Variants in CHCHD3 observed in about 807,000 individuals in gnomAD.
The protein encoded by CHCHD3 is MICOS complex subunit MIC19.
Under a neutral mutation model 38.2 loss-of-function variants are expected in CHCHD3, and 20 were observed. That is an observed-to-expected ratio of 0.52 (90% CI 0.37 to 0.76). The LOEUF is 0.76. Ranked by LOEUF, CHCHD3 falls within the 30% of genes least tolerant of loss-of-function variation. The probability of loss-of-function intolerance (pLI) is 0.00; values close to 1 mark genes in which losing one functional copy is unlikely to be tolerated. For missense variants in CHCHD3, 245 were observed against 279.2 expected (o/e 0.88, Z 0.87); for synonymous variants, 82 against 100.0 (o/e 0.82, Z 1.07).
intron 6 of CHCHD3, among the ~76,000 whole-genome samples, chr7:132,831,306 C>T (rs1807643692): frequency 6.6e-6 from 1 of 152,154 alleles, no homozygotes; most frequent in Non-Finnish European, 1.5e-5. Flanking sequence ...GAATTAGTGT[C>T]TTACTGAGAT....
At chr7:133,018,906 G>A (rs1379103133) in intron 3 of CHCHD3, among the ~76,000 whole-genome samples, 6 of 100,132 alleles carry the variant, frequency 6.0e-5, no homozygotes, top group East Asian at 2.8e-4. Flanking sequence ...TTTTTGAGAC[G>A]GAGTTTCGCT....
At chr7:132,891,069 T>C (rs968695458) in intron 4 of CHCHD3, among the ~76,000 whole-genome samples, 1 of 152,230 alleles carries the variant, frequency 6.6e-6, no homozygotes, top group Admixed American at 6.5e-5. Flanking sequence ...AAGGTAATAT[T>C]GCATTTAGAA....
intron 3 of CHCHD3, among the ~76,000 whole-genome samples, chr7:133,012,561 C>T (rs1020398805): frequency 2.0e-5 from 3 of 152,048 alleles, no homozygotes; most frequent in South Asian, 2.1e-4. Flanking sequence ...CCTAAGAGTT[C>T]GAGACCAGCC....
At position 132,856,878 on chromosome 7, in the gene CHCHD3, C is replaced by G. The variant is rs144534978; in HGVS notation, c.454-18409G>C. 2.8e-3 allele frequency among the ~76,000 whole-genome samples: 433 copies of G among 152,266 alleles called. 8 individuals carry two copies. In the East Asian group the frequency reaches 0.037, roughly 13 times the overall value. On this transcript the variant is annotated intron_variant, in intron 5 of 7. Coordinates refer to ENST00000262570, the MANE Select transcript of CHCHD3 (RefSeq NM_017812.4). ...AAACAGAAACATTCTGCTGCATTTC[C>G]TGGGGGTTCACTCATTTATCTATTG...
intron 1 of CHCHD3, among the ~76,000 whole-genome samples, chr7:133,070,641 C>T (rs1814794859): frequency 6.6e-6 from 1 of 152,074 alleles, no homozygotes; most frequent in South Asian, 2.1e-4. Flanking sequence ...TCTCCCCTCC[C>T]TCCCTCCCTC....
chr7:132,973,682 T>C, intron 4 of CHCHD3: 2 of 1,026,450 alleles, frequency 1.9e-6, no homozygotes, highest in Non-Finnish European at 2.3e-6. Flanking sequence ...AGAAACTGAT[T>C]CATTACGCAT....
At chr7:133,059,314 G>A (rs888408412) in intron 2 of CHCHD3, among the ~76,000 whole-genome samples, 1 of 151,958 alleles carries the variant, frequency 6.6e-6, no homozygotes, top group Admixed American at 6.6e-5. Flanking sequence ...TCCAAGTTAG[G>A]GACCTACCTC....
intron 5 of CHCHD3, among the ~76,000 whole-genome samples, chr7:132,853,546 T>G (rs761026976): frequency 6.6e-6 from 1 of 151,956 alleles, no homozygotes; most frequent in Non-Finnish European, 1.5e-5. Flanking sequence ...CACTTGGACC[T>G]GGGAGGCGGA....
intron 6 of CHCHD3, among the ~76,000 whole-genome samples, chr7:132,819,804 G>C (rs1807297901): frequency 1.3e-5 from 2 of 152,224 alleles, no homozygotes; most frequent in African/African-American, 4.8e-5. Flanking sequence ...TTATCGGGAG[G>C]AAGGTGGTGA....
chr7:133,024,572 G>T lies in CHCHD3; in HGVS notation c.225C>A (p.Ala75=). 6.2e-7 allele frequency: 1 copy of T among 1,613,554 alleles called. No individual in the cohort carries two copies. The highest frequency in any genetic ancestry group is 8.5e-7 in the Non-Finnish European group (1 of 1,179,632). ...RVAEELALEQ[A]KKESEDQKRL... is the part of the protein sequence containing the mutation. ...GTTTCTGATCTTCGGATTCTTTCTTGGCTTGCTCCAATGCCAGCTCCTCAG... is the reference window on the plus strand; with the variant it reads ...GTTTCTGATCTTCGGATTCTTTCTTTGCTTGCTCCAATGCCAGCTCCTCAG... The change falls in exon 3 of 8, where the codon GCC becomes GCA. Residue 75 remains alanine (A), a synonymous_variant. Coordinates refer to ENST00000262570, the MANE Select transcript of CHCHD3 (RefSeq NM_017812.4).
At chr7:132,977,833 G>A (rs1811811192) in intron 3 of CHCHD3, among the ~76,000 whole-genome samples, 1 of 151,856 alleles carries the variant, frequency 6.6e-6, no homozygotes, top group African/African-American at 2.4e-5. Flanking sequence ...TACATATGGA[G>A]TTCTACATGG....
chr7:132,972,675 C>A, intron 4 of CHCHD3: 1 of 985,428 alleles, frequency 1.0e-6, no homozygotes, highest in Non-Finnish European at 1.2e-6. Flanking sequence ...TGACAACACT[C>A]TGGGAAGGAA....
At chr7:133,026,002 G>A (rs1813326754) in intron 2 of CHCHD3, among the ~76,000 whole-genome samples, 1 of 152,184 alleles carries the variant, frequency 6.6e-6, no homozygotes, top group Admixed American at 6.5e-5. Flanking sequence ...TGAAAGATCA[G>A]AAGGATGACT....
intron 2 of CHCHD3, among the ~76,000 whole-genome samples, chr7:133,037,820 T>TA (rs1813721455): frequency 6.6e-6 from 1 of 151,912 alleles, no homozygotes; most frequent in African/African-American, 2.4e-5. Flanking sequence ...TCAGAAAAAA[T>TA]AAATACATAC....
intron 4 of CHCHD3, among the ~76,000 whole-genome samples, chr7:132,888,722 G>T (rs1279577714): frequency 2.0e-5 from 3 of 151,872 alleles, no homozygotes; most frequent in African/African-American, 7.2e-5. Context: ...TTTTGATCCA[G>T]CCATATAATC....
At chr7:132,845,414 A>G (rs113527012) in intron 5 of CHCHD3, among the ~76,000 whole-genome samples, 1 of 152,182 alleles carries the variant, frequency 6.6e-6, no homozygotes, top group African/African-American at 2.4e-5. Context: ...CATTAACCAG[A>G]CATTGGTGAA....
chr7:132,833,302 G>T (rs569440983), intron 6 of CHCHD3, among the ~76,000 whole-genome samples: 1 of 152,110 alleles, frequency 6.6e-6, no homozygotes, highest in African/African-American at 2.4e-5. Flanking sequence ...TTGAATTAAG[G>T]TTACATATAA....
At chr7:132,874,623 C>T (rs546724970) in intron 5 of CHCHD3, among the ~76,000 whole-genome samples, 16 of 152,212 alleles carry the variant, frequency 1.1e-4, no homozygotes, top group East Asian at 1.9e-4. Context: ...CTGAAACCTG[C>T]GCCTGGTTCT....
intron 6 of CHCHD3, among the ~76,000 whole-genome samples, chr7:132,806,419 G>A (rs1395485244): frequency 2.0e-5 from 3 of 152,128 alleles, no homozygotes; most frequent in Non-Finnish European, 4.4e-5. Context: ...ACTGAGTCAG[G>A]CAGACCTATC....
Sources: gnomAD v4.1 joint callset for allele counts (sites outside exome capture counted in the v4.1 genomes callset) on GRCh38, gnomAD v4.1.1 for gene constraint, MANE v1.5 for transcripts, NCBI Gene and HGNC (gene_info 2026-07-23, HGNC 2026-07-21) for gene names.